The following ADGRL3 variants were observed in gnomAD, a reference collection of about 807,000 sequenced individuals.
ADGRL3 encodes the protein adhesion G protein-coupled receptor L3.
ADGRL3 carries 62 observed loss-of-function variants against 153.5 expected under a neutral mutation model. The ratio of observed to expected loss-of-function variants is 0.40; its 90% CI spans 0.33 to 0.50. The LOEUF (loss-of-function observed/expected upper bound fraction) is 0.50. ADGRL3 is among the 20% of genes least tolerant of loss of function. The pLI is 0.47. For synonymous variants in ADGRL3, 710 were observed against 672.5 expected (o/e 1.06, Z -0.86); for missense variants, 1,641 against 1,859.4 (o/e 0.88, Z 2.16).
At chr4:61,412,536 T>C (rs751792666) in intron 2 of ADGRL3, among the ~76,000 whole-genome samples, 68 of 152,220 alleles carry the variant, frequency 4.5e-4, no homozygotes, top group Non-Finnish European at 8.2e-4. Flanking sequence ...AACTTTGGTG[T>C]TGGTGGTAAA....
chr4:61,380,555 A>C (rs1385014849), intron 1 of ADGRL3, among the ~76,000 whole-genome samples: 4 of 151,998 alleles, frequency 2.6e-5, no homozygotes, highest in African/African-American at 9.7e-5. Flanking sequence ...TAAAGCAAAA[A>C]TTAATTTAAC....
At chr4:61,970,867 T>C (rs2099024509) in intron 17 of ADGRL3, among the ~76,000 whole-genome samples, 1 of 152,138 alleles carries the variant, frequency 6.6e-6, no homozygotes. Flanking sequence ...GCTTGTGAGG[T>C]GACCTCTGTG....
intron 9 of ADGRL3, among the ~76,000 whole-genome samples, chr4:61,848,240 G>A (rs965049425): frequency 1.3e-5 from 2 of 148,332 alleles, no homozygotes; most frequent in African/African-American, 5.0e-5. Context: ...CAAGGCTGCT[G>A]TAACACATCA....
intron 4 of ADGRL3, among the ~76,000 whole-genome samples, chr4:61,579,392 T>G (rs745511965): frequency 6.6e-6 from 1 of 152,120 alleles, no homozygotes; most frequent in African/African-American, 2.4e-5. Flanking sequence ...AATTGTGATA[T>G]GTGAAATTTG....
At chr4:61,233,607 CAT>C (rs957900966) in intron 1 of ADGRL3, among the ~76,000 whole-genome samples, 46 of 152,102 alleles carry the variant, frequency 3.0e-4, no homozygotes, top group African/African-American at 1.1e-3. Context: ...TAAATACAAA[CAT>C]GTTAACAGCA....
At chr4:62,018,272 T>A (rs1015807587) in intron 21 of ADGRL3, among the ~76,000 whole-genome samples, 1 of 152,058 alleles carries the variant, frequency 6.6e-6, no homozygotes, top group African/African-American at 2.4e-5. Flanking sequence ...TCTCAAGAGC[T>A]TTGTGTTGTG....
At chr4:61,467,475 GGT>G (rs1422036191) in intron 2 of ADGRL3, among the ~76,000 whole-genome samples, 1 of 150,962 alleles carries the variant, frequency 6.6e-6, no homozygotes, top group African/African-American at 2.4e-5. Flanking sequence ...TTCAGATGTG[GGT>G]GTGTGTGTGT....
intron 4 of ADGRL3, among the ~76,000 whole-genome samples, chr4:61,527,136 G>A (rs2098568993): frequency 6.6e-6 from 1 of 151,776 alleles, no homozygotes; most frequent in South Asian, 2.1e-4. Flanking sequence ...AAAAATATCA[G>A]GAATTCAAAA....
At chr4:61,910,546 T>C (rs1280468121) in intron 12 of ADGRL3, among the ~76,000 whole-genome samples, 4 of 151,730 alleles carry the variant, frequency 2.6e-5, no homozygotes, top group African/African-American at 9.6e-5. Context: ...AACCCCATGG[T>C]AAAACATATT....
At chr4:62,006,032 A>ATATATTTT (rs1203029363) in intron 21 of ADGRL3, among the ~76,000 whole-genome samples, 10 of 73,084 alleles carry the variant, frequency 1.4e-4, no homozygotes, top group African/African-American at 2.0e-4. Context: ...ATATATATAT[A>ATATATTTT]TTTTTTTTTT....
chr4:61,451,804 C>T (rs955194094), intron 2 of ADGRL3, among the ~76,000 whole-genome samples: 1 of 152,074 alleles, frequency 6.6e-6, no homozygotes, highest in Admixed American at 6.6e-5. Flanking sequence ...ACTGCTTCAG[C>T]GGTATGGCAG....
chr4:62,019,081 A>T (rs1369798870), intron 21 of ADGRL3, among the ~76,000 whole-genome samples: 1 of 152,196 alleles, frequency 6.6e-6, no homozygotes, highest in Non-Finnish European at 1.5e-5. Flanking sequence ...TCTATGATTT[A>T]TCTCTCACTA....
intron 9 of ADGRL3, among the ~76,000 whole-genome samples, chr4:61,890,034 C>T (rs566571455): frequency 1.3e-5 from 2 of 152,272 alleles, no homozygotes; most frequent in African/African-American, 2.4e-5. Context: ...TTAATTCTTA[C>T]TCTAGTTCAG....
At chr4:61,528,444 C>T (rs2098589088) in intron 4 of ADGRL3, among the ~76,000 whole-genome samples, 1 of 151,954 alleles carries the variant, frequency 6.6e-6, no homozygotes, top group Non-Finnish European at 1.5e-5. Flanking sequence ...ATCTTTACAC[C>T]CCAGACACCC....
chr4:61,908,515 C>G (rs1362338907), intron 11 of ADGRL3, among the ~76,000 whole-genome samples: 1 of 150,644 alleles, frequency 6.6e-6, no homozygotes, highest in Non-Finnish European at 1.5e-5. Context: ...GAGGCAGCTA[C>G]TTGGGAGGCT....
intron 1 of ADGRL3, among the ~76,000 whole-genome samples, chr4:61,366,438 T>C (rs2096398687): frequency 6.6e-6 from 1 of 152,182 alleles, no homozygotes. Flanking sequence ...GATGTTGCAT[T>C]GTAATTTTTT....
intron 2 of ADGRL3, among the ~76,000 whole-genome samples, chr4:61,435,288 G>A (rs531346626): frequency 1.8e-4 from 28 of 151,916 alleles, no homozygotes; most frequent in Non-Finnish European, 3.7e-4. Context: ...AAAATTTTTT[G>A]TAATAGAAGT....
rs745617298 is a variant in ADGRL3 at position 61,934,799 on chromosome 4, G to A, written c.2113-41G>A. ...ACCTGGATTTCTGACAGCTATGTGG[G>A]TTCACTAGAGACCTCTGTCATTCTT... On this transcript the variant is annotated intron_variant, in intron 13 of 26. Transcript: ENST00000683033. 5 of 1,533,394 alleles carry A rather than the reference G, an allele frequency of 3.3e-6. No homozygotes were observed. The Admixed American group carries it at 5.3e-5, about 16-fold the overall frequency. The allele number at this position is 1,533,394 out of a possible 1,614,324, so 95.0% of individuals were successfully genotyped here. A position where few individuals can be genotyped will look rare whatever the true frequency, so the allele number is the denominator to read the frequency against.
intron 1 of ADGRL3, among the ~76,000 whole-genome samples, chr4:61,338,130 G>A (rs1353013739): frequency 6.6e-6 from 1 of 151,920 alleles, no homozygotes; most frequent in Non-Finnish European, 1.5e-5. Flanking sequence ...AAATAGCTGG[G>A]CATGGAGGCA....
Sources: allele counts gnomAD v4.1 joint callset (sites outside exome capture counted in the v4.1 genomes callset), GRCh38; gene constraint gnomAD v4.1.1; transcripts MANE v1.5; gene names NCBI Gene and HGNC (gene_info 2026-07-23, HGNC 2026-07-21).